The following EYS variants were observed in gnomAD, a reference collection of about 807,000 sequenced individuals.
EYS encodes EGF-like photoreceptor maintenance factor.
A neutral mutation model predicts 282.1 loss-of-function variants in EYS; 250 were observed. The observed-to-expected ratio is 0.89, with a 90% CI of 0.80 to 0.98. The LOEUF (loss-of-function observed/expected upper bound fraction) is 0.98. Among genes scored for constraint, EYS ranks in the 50% least tolerant of loss-of-function variants. The probability of loss-of-function intolerance (pLI) is 0.00; values close to 1 mark genes in which losing one functional copy is unlikely to be tolerated. For missense variants in EYS, 4,016 were observed against 3,709.0 expected, an observed-to-expected ratio of 1.08 and a Z score of -2.15; for synonymous variants, 1,355 against 1,282.9, an observed-to-expected ratio of 1.06 and a Z score of -1.20.
intron 14 of EYS, among the ~76,000 whole-genome samples, chr6:64,996,522 C>T (rs561861700): frequency 6.6e-6 from 1 of 152,282 alleles, no homozygotes; most frequent in Admixed American, 6.5e-5. Context: ...CTAAAGGAAT[C>T]CCCAAGAGTG....
intron 8 of EYS, among the ~76,000 whole-genome samples, chr6:65,354,253 A>T (rs2150327904): frequency 6.6e-6 from 1 of 152,170 alleles, no homozygotes; most frequent in East Asian, 1.9e-4. Context: ...AGCCCTAGAG[A>T]CAAACTAGGG....
chr6:65,244,843 A>G (rs938375025), intron 12 of EYS, among the ~76,000 whole-genome samples: 1 of 152,028 alleles, frequency 6.6e-6, no homozygotes, highest in Non-Finnish European at 1.5e-5. Flanking sequence ...CTACCATGGC[A>G]TCTATCTTTC....
At chr6:65,094,388 A>G (rs1774674786) in intron 12 of EYS, among the ~76,000 whole-genome samples, 1 of 150,986 alleles carries the variant, frequency 6.6e-6, no homozygotes, top group Non-Finnish European at 1.5e-5. Flanking sequence ...TAACAGACAC[A>G]TATGAAAGAT....
At chr6:65,654,485 A>T (rs13211512) in intron 1 of EYS, among the ~76,000 whole-genome samples, 24,039 of 151,690 alleles carry the variant, frequency 0.16, 2,054 homozygotes, top group South Asian at 0.3. Flanking sequence ...CTTCTTTTCC[A>T]GCATCTGAGG....
At chr6:64,594,207 A>T (rs1389024829) in intron 24 of EYS, among the ~76,000 whole-genome samples, 1 of 152,300 alleles carries the variant, frequency 6.6e-6, no homozygotes, top group South Asian at 2.1e-4. Context: ...TAAATGTCAG[A>T]TGATTCCTAA....
chr6:63,722,279 A>G (rs1175350330), intron 42 of EYS, among the ~76,000 whole-genome samples: 1 of 152,102 alleles, frequency 6.6e-6, no homozygotes, highest in Non-Finnish European at 1.5e-5. Flanking sequence ...CCTGTTTTCT[A>G]GGAACACTCC....
At chr6:64,810,958 G>T (rs1469004154) in intron 22 of EYS, among the ~76,000 whole-genome samples, 1 of 151,880 alleles carries the variant, frequency 6.6e-6, no homozygotes, top group African/African-American at 2.4e-5. Flanking sequence ...TAAATTTAGA[G>T]AACACAAAAT....
chr6:64,375,485 T>C (rs911496827), intron 29 of EYS, among the ~76,000 whole-genome samples: 4 of 152,238 alleles, frequency 2.6e-5, no homozygotes, highest in African/African-American at 9.6e-5. Context: ...GGCTAATATA[T>C]GTTTGCATGT....
At chr6:63,816,989 C>G (rs1004632076) in intron 36 of EYS, among the ~76,000 whole-genome samples, 2 of 152,100 alleles carry the variant, frequency 1.3e-5, no homozygotes, top group Non-Finnish European at 2.9e-5. Context: ...GCATTTTGTT[C>G]CAAGTACAGA....
Position 64,590,771 on chromosome 6 carries a change from A to G in EYS, c.5096T>C (p.Leu1699Ser). The G allele has an allele frequency of 6.4e-7, 1 of 1,550,760 alleles. No individual in the cohort carries two copies. Among genetic ancestry groups the G allele is most frequent in the Non-Finnish European group, 8.7e-7 (1 of 1,146,376 alleles). ...TDELSVSENI[L>S]KLLKIRQYGI... ...ATATTGTCTTATTTTCAATAGTTTT[A>G]AAATGTTTTCTGATACTGACAGTTC... Residue 1699 changes from leucine (L) to serine (S), a missense_variant, in exon 26 of 43, where the codon TTA becomes TCA. Coordinates refer to ENST00000503581, the MANE Select transcript of EYS (RefSeq NM_001142800.2).
chr6:64,860,698 C>A (rs1309174350), intron 19 of EYS, among the ~76,000 whole-genome samples: 1 of 152,182 alleles, frequency 6.6e-6, no homozygotes, highest in Non-Finnish European at 1.5e-5. Flanking sequence ...GGGTGTTTTT[C>A]AGCCCTGTTT....
intron 30 of EYS, among the ~76,000 whole-genome samples, chr6:64,252,856 ACTC>A (rs553460715): frequency 1.9e-4 from 29 of 152,060 alleles, no homozygotes; most frequent in Middle Eastern, 3.4e-3. Flanking sequence ...TTATTTATAT[ACTC>A]CTCCTAGAAT....
chr6:64,826,270 C>T (rs1460288479), intron 19 of EYS, among the ~76,000 whole-genome samples: 1 of 150,868 alleles, frequency 6.6e-6, no homozygotes, highest in African/African-American at 2.5e-5. Context: ...AAAAGAAGAA[C>T]CATGTTCTTT....
chr6:65,469,694 T>G (rs758437435), intron 5 of EYS, among the ~76,000 whole-genome samples: 4 of 152,138 alleles, frequency 2.6e-5, no homozygotes, highest in Non-Finnish European at 4.4e-5. Flanking sequence ...TTAGTACTGG[T>G]GAATACCATT....
At chr6:64,555,144 TAAAC>T (rs1195494313) in intron 26 of EYS, among the ~76,000 whole-genome samples, 1 of 151,724 alleles carries the variant, frequency 6.6e-6, no homozygotes, top group East Asian at 1.9e-4. Context: ...GATGAATGGA[TAAAC>T]AGTCATATAA....
At chr6:65,615,386 T>TTATA (rs3049825) in intron 2 of EYS, among the ~76,000 whole-genome samples, 52 of 146,230 alleles carry the variant, frequency 3.6e-4, no homozygotes, top group South Asian at 1.5e-3. Context: ...TTTTATTTAT[T>TTATA]TATATATATA....
intron 29 of EYS, among the ~76,000 whole-genome samples, chr6:64,385,743 G>C (rs1278626149): frequency 1.3e-5 from 2 of 152,110 alleles, no homozygotes; most frequent in East Asian, 3.9e-4. Context: ...AAACCACTCT[G>C]TTGCTTCTTC....
At chr6:63,915,516 T>C (rs1298726206) in intron 35 of EYS, among the ~76,000 whole-genome samples, 1 of 152,234 alleles carries the variant, frequency 6.6e-6, no homozygotes, top group Non-Finnish European at 1.5e-5. Context: ...TTAAGGAGTA[T>C]TTTGACATTC....
chr6:64,436,305 G>T (rs1199867536), intron 27 of EYS, 40 bp from the exon 28 acceptor site: 2 of 1,092,006 alleles, frequency 1.8e-6, no homozygotes, highest in Non-Finnish European at 2.7e-6. Context: ...CAGTTTTTCA[G>T]CATGAAATTA....
Sources: gnomAD v4.1 joint callset for allele counts (sites outside exome capture counted in the v4.1 genomes callset) on GRCh38, gnomAD v4.1.1 for gene constraint, MANE v1.5 for transcripts, NCBI Gene and HGNC (gene_info 2026-07-23, HGNC 2026-07-21) for gene names.